Variants in AP1G1 observed in about 807,000 individuals in gnomAD.
The protein encoded by AP1G1 is AP-1 complex subunit gamma-1.
AP1G1 carries 7 observed loss-of-function variants against 108.3 expected under a neutral mutation model. That is an observed-to-expected ratio of 0.06 (90% CI 0.04 to 0.12). The LOEUF (loss-of-function observed/expected upper bound fraction) is 0.12. Among genes scored for constraint, AP1G1 ranks in the 10% least tolerant of loss-of-function variants. The pLI, the probability that AP1G1 is intolerant of heterozygous loss-of-function variation, is 1.00. For missense variants in AP1G1, 756 were observed against 1,010.7 expected (o/e 0.75, Z 3.42); for synonymous variants, 379 against 353.5 (o/e 1.07, Z -0.81).
chr16:71,733,410 T>A (rs139951542), intron 22 of AP1G1, among the ~76,000 whole-genome samples: 392 of 152,280 alleles, frequency 2.6e-3, no homozygotes, highest in Non-Finnish European at 4.0e-3. Flanking sequence ...TTGAACTGCA[T>A]TAAAAGGACA....
At chr16:71,747,156 A>G (rs1485038030) in intron 16 of AP1G1, 1 of 152,336 alleles carries the variant, frequency 6.6e-6, no homozygotes. Flanking sequence ...ACCATTTTTT[A>G]TAAGACTTCA....
In AP1G1 at chr16:71,731,757, A is replaced by G. The variant is rs2045477060; in HGVS notation, c.*1301T>C. The stretch of plus-strand genomic sequence containing the variant: ...TCATGAGATTCGTCTTTTAAAAGAG[A>G]CCAATTTCTCAGACTGAGGAAAGGC... On this transcript the variant is annotated 3_prime_UTR_variant, in exon 23 of 23. Coordinates refer to ENST00000299980, the MANE Select transcript of AP1G1 (RefSeq NM_001128.6). The G allele has an allele frequency of 6.6e-6, 1 of 152,598 alleles. No individual in the cohort carries two copies. The highest frequency in any genetic ancestry group is 2.4e-5 in the African/African-American group (1 of 41,448). 9.5% of individuals were successfully genotyped at this position (152,598 alleles called of 1,614,324 possible).
intron 1 of AP1G1, among the ~76,000 whole-genome samples, chr16:71,795,652 T>C (rs978065102): frequency 1.3e-5 from 2 of 152,244 alleles, no homozygotes; most frequent in African/African-American, 4.8e-5. Flanking sequence ...CAAAATACTA[T>C]GACTAGAATG....
Position 71,791,584 on chromosome 16 carries a change from T to C in AP1G1, c.-3-2102A>G, listed in dbSNP as rs1196270370. ...ACTACTGTCCCAGCTACTCAGGAGA[T>C]TGAGGCAGGAGGATAGCCTGAGCCC... is the stretch of plus-strand genomic sequence containing the variant. On this transcript the variant is annotated intron_variant, in intron 1 of 22. Transcript: ENST00000299980. 2.6e-5 allele frequency among the ~76,000 whole-genome samples: 4 copies of C among 150,964 alleles called. No homozygotes were observed. In the East Asian group the frequency reaches 5.9e-4, roughly 22 times the overall value.
chr16:71,772,841 T>C, intron 4 of AP1G1: 1 of 292,382 alleles, frequency 3.4e-6, no homozygotes. Context: ...CATCATTCCC[T>C]AATAATTATC....
intron 1 of AP1G1, 118 bp from the exon 2 acceptor site, chr16:71,789,600 A>T (rs2032324820): frequency 1.0e-6 from 1 of 978,152 alleles, no homozygotes; most frequent in Non-Finnish European, 1.5e-6. Context: ...TGCCAAATCC[A>T]GCTTAGCGAA....
At position 71,729,024 on chromosome 16, in the gene AP1G1, TTTA is replaced by T. The variant is rs569130551; in HGVS notation, c.*4031_*4033del. The T allele has an allele frequency of 3.3e-5, 5 of 152,636 alleles. No individual in the cohort carries two copies. The highest frequency in any genetic ancestry group is 4.1e-4 in the South Asian group (2 of 4,830). 9.5% of individuals were successfully genotyped at this position (152,636 alleles called of 1,614,324 possible). A position where few individuals can be genotyped will look rare whatever the true frequency, so the allele number is the denominator to read the frequency against. ...ATTTTAAATCATTGGGTATTGACTTTTTATTATTAGTCACTGTTCATAATTTGT... is the reference window on the plus strand; with the variant it reads ...ATTTTAAATCATTGGGTATTGACTTTTTATTAGTCACTGTTCATAATTTGT... On this transcript the variant is annotated 3_prime_UTR_variant, in exon 23 of 23. Transcript: ENST00000299980.
At chr16:71,740,719 A>G (rs542451444) in intron 19 of AP1G1, among the ~76,000 whole-genome samples, 1 of 152,354 alleles carries the variant, frequency 6.6e-6, no homozygotes, top group East Asian at 1.9e-4. Flanking sequence ...AAATAATACT[A>G]CATACTATAT....
At chr16:71,764,757 A>C in intron 7 of AP1G1, 31 bp from the exon 8 acceptor site, 1 of 1,395,048 alleles carries the variant, frequency 7.2e-7, no homozygotes, top group Non-Finnish European at 1.0e-6. Flanking sequence ...GGTGTCAACA[A>C]ATTATGTCTC....
chr16:71,756,075 C>A lies in AP1G1; in HGVS notation c.1173G>T (p.Ser391=). Residue 391 remains serine (S), a synonymous_variant, in exon 12 of 23, where the codon TCG becomes TCT. Coordinates refer to ENST00000299980, the MANE Select transcript of AP1G1 (RefSeq NM_001128.6). ...MMKELLYFLD[S]CEPEFKADCA... is the part of the protein sequence containing the mutation. ...AGTCTGCTTTAAATTCTGGCTCACACGAATCCAGAAAATAAAGTAATTCTT... is the reference window on the plus strand; with the variant it reads ...AGTCTGCTTTAAATTCTGGCTCACAAGAATCCAGAAAATAAAGTAATTCTT... 1 of 1,612,892 alleles carries A rather than the reference C, an allele frequency of 6.2e-7. No homozygotes were observed. Among genetic ancestry groups the A allele is most frequent in the Non-Finnish European group, 8.5e-7 (1 of 1,179,410 alleles).
intron 10 of AP1G1, among the ~76,000 whole-genome samples, chr16:71,759,207 C>T (rs182327139): frequency 2.4e-4 from 37 of 152,288 alleles, no homozygotes; most frequent in Admixed American, 2.4e-3. Flanking sequence ...ACCTGTAATC[C>T]CAGCACTGTG....
At chr16:71,757,802 G>A (rs1479755087) in intron 11 of AP1G1, among the ~76,000 whole-genome samples, 1 of 152,156 alleles carries the variant, frequency 6.6e-6, no homozygotes, top group African/African-American at 2.4e-5. Context: ...TAATGAGCTA[G>A]AGAGAAACAA....
chr16:71,754,927 G>T (rs2036338), intron 12 of AP1G1, among the ~76,000 whole-genome samples: 42 of 152,004 alleles, frequency 2.8e-4, no homozygotes, highest in African/African-American at 9.7e-5. Flanking sequence ...GAATCATTCA[G>T]TCAGGGCAGG....
intron 2 of AP1G1, 63 bp from the exon 3 acceptor site, chr16:71,774,655 G>A (rs915207358): frequency 7.9e-6 from 12 of 1,515,406 alleles, no homozygotes; most frequent in Non-Finnish European, 9.7e-6. Context: ...TAGAAAAGCA[G>A]TGTTTTTAAC....
chr16:71,750,698 G>A (rs2030447367), intron 13 of AP1G1, among the ~76,000 whole-genome samples: 1 of 151,992 alleles, frequency 6.6e-6, no homozygotes, highest in South Asian at 2.1e-4. Flanking sequence ...TTACAGGCGT[G>A]TGCCACTGCG....
At chr16:71,783,184 G>C (rs1349541946) in intron 2 of AP1G1, among the ~76,000 whole-genome samples, 1 of 152,086 alleles carries the variant, frequency 6.6e-6, no homozygotes, top group Non-Finnish European at 1.5e-5. Flanking sequence ...TTTAACAAGA[G>C]TGGCTATTAT....
intron 19 of AP1G1, among the ~76,000 whole-genome samples, chr16:71,740,286 T>C (rs2045602747): frequency 6.6e-6 from 1 of 152,210 alleles, no homozygotes. Flanking sequence ...TGGGCTTTTA[T>C]GCATTAGACG....
rs542953796 is a variant in AP1G1, at chr16:71,730,076, G to A, written c.*2982C>T. ...ACAAATCACACCTTTAAACTAGCAA[G>A]AGGAAAGAATCCCCTCCCAAATGTT... is the stretch of plus-strand genomic sequence containing the variant. On this transcript the variant is annotated 3_prime_UTR_variant, in exon 23 of 23. Transcript: ENST00000299980. The A allele has an allele frequency of 6.6e-6, 1 of 152,564 alleles. No homozygotes were observed. Among genetic ancestry groups the A allele is most frequent in the Non-Finnish European group, 1.5e-5 (1 of 68,048 alleles). 9.5% of individuals were successfully genotyped at this position (152,564 alleles called of 1,614,324 possible). A position where few individuals can be genotyped will look rare whatever the true frequency, so the allele number is the denominator to read the frequency against.
intron 2 of AP1G1, among the ~76,000 whole-genome samples, chr16:71,782,738 G>A (rs1289272883): frequency 2.0e-5 from 3 of 150,780 alleles, no homozygotes; most frequent in African/African-American, 4.9e-5. Flanking sequence ...TGCCTGCCTC[G>A]GCCTCCCAAA....
Sources: allele counts gnomAD v4.1 joint callset (sites outside exome capture counted in the v4.1 genomes callset), GRCh38; gene constraint gnomAD v4.1.1; transcripts MANE v1.5; gene names NCBI Gene and HGNC (gene_info 2026-07-23, HGNC 2026-07-21).